SNAP25: variants seen among roughly 807,000 people sequenced by gnomAD.
The protein encoded by SNAP25 is synaptosomal-associated protein 25.
Under a neutral mutation model 28.7 loss-of-function variants are expected in SNAP25, and 3 were observed. The ratio of observed to expected loss-of-function variants is 0.10; its 90% CI spans 0.05 to 0.27. The LOEUF (loss-of-function observed/expected upper bound fraction) is 0.27, where lower values mean the gene tolerates loss of function less well. Ranked by LOEUF, SNAP25 falls within the 10% of genes least tolerant of loss-of-function variation. The probability of loss-of-function intolerance (pLI) is 1.00; values close to 1 mark genes in which losing one functional copy is unlikely to be tolerated. For synonymous variants in SNAP25, 61 were observed against 88.1 expected (o/e 0.69, Z 1.72); for missense variants, 117 against 278.7 (o/e 0.42, Z 4.13).
At chr20:10,247,192 G>T (rs775735408) in intron 1 of SNAP25, among the ~76,000 whole-genome samples, 6 of 152,190 alleles carry the variant, frequency 3.9e-5, no homozygotes, top group Non-Finnish European at 8.8e-5. Context: ...TTGGGAAGCT[G>T]CAGAGAGCAC....
chr20:10,245,183 C>T (rs2063105077), intron 1 of SNAP25, among the ~76,000 whole-genome samples: 2 of 152,158 alleles, frequency 1.3e-5, no homozygotes, highest in Admixed American at 6.6e-5. Context: ...AAGCATTCTC[C>T]CCCAAAGCCA....
chr20:10,253,873 G>A (rs1486977569), intron 1 of SNAP25, among the ~76,000 whole-genome samples: 3 of 152,106 alleles, frequency 2.0e-5, no homozygotes, highest in Non-Finnish European at 4.4e-5. Context: ...CCCACAAAGG[G>A]GCTGACCAGG....
chr20:10,267,588 C>G (rs1382418600), intron 1 of SNAP25, among the ~76,000 whole-genome samples: 2 of 152,168 alleles, frequency 1.3e-5, no homozygotes, highest in African/African-American at 2.4e-5. Flanking sequence ...GAGTCTCGCT[C>G]TGTCACCAGG....
Position 10,302,843 on chromosome 20 carries a change from G to A in SNAP25, c.553-3286G>A, listed in dbSNP as rs546341675. The stretch of plus-strand genomic sequence containing the variant: ...ATAATAAAGGGGCAGTACTTTCTGT[G>A]TCAAATATTGCATGGGGTGGAATTT... On this transcript the variant is annotated intron_variant, in intron 7 of 7. Transcript: ENST00000254976. Among the ~76,000 whole-genome samples the A allele has an allele frequency of 2.0e-5, 3 of 150,944 alleles. No homozygotes were observed. The East Asian group carries it at 5.9e-4, about 29-fold the overall frequency.
intron 4 of SNAP25, among the ~76,000 whole-genome samples, chr20:10,290,730 C>T (rs181611267): frequency 1.0e-3 from 154 of 152,290 alleles, no homozygotes; most frequent in African/African-American, 3.4e-3. Flanking sequence ...TGTGTCCCCA[C>T]GCCATAATCT....
chr20:10,221,919 G>A (rs979637096), intron 1 of SNAP25, among the ~76,000 whole-genome samples: 5 of 152,234 alleles, frequency 3.3e-5, no homozygotes, highest in African/African-American at 9.6e-5. Flanking sequence ...AGACATGAAG[G>A]AGAAAAATAG....
At chr20:10,294,940 G>C (rs1053059088) in intron 5 of SNAP25, among the ~76,000 whole-genome samples, 3 of 152,130 alleles carry the variant, frequency 2.0e-5, no homozygotes, top group Non-Finnish European at 4.4e-5. Context: ...TTCATCAACT[G>C]TGTGTGAAGA....
intron 1 of SNAP25, among the ~76,000 whole-genome samples, chr20:10,258,944 A>G (rs2063365276): frequency 6.6e-6 from 1 of 152,180 alleles, no homozygotes; most frequent in Admixed American, 6.5e-5. Flanking sequence ...TAGCTTTGCT[A>G]TTTAAAGAAA....
At chr20:10,301,320 A>G (rs1016775604) in intron 7 of SNAP25, among the ~76,000 whole-genome samples, 3 of 152,210 alleles carry the variant, frequency 2.0e-5, no homozygotes, top group African/African-American at 4.8e-5. Flanking sequence ...TTCAATTTGT[A>G]TCATTCCTTG....
chr20:10,273,397 A>G (rs962644244), intron 1 of SNAP25, among the ~76,000 whole-genome samples: 1 of 152,226 alleles, frequency 6.6e-6, no homozygotes, highest in Non-Finnish European at 1.5e-5. Context: ...ACAGGCTGCT[A>G]TAACAAAACA....
intron 3 of SNAP25, among the ~76,000 whole-genome samples, chr20:10,279,423 A>G (rs567522906): frequency 1.3e-4 from 20 of 152,324 alleles, no homozygotes; most frequent in South Asian, 8.3e-4. Flanking sequence ...CACATCTGAT[A>G]TAAGTTTCCA....
At chr20:10,225,150 G>A (rs1013809334) in intron 1 of SNAP25, among the ~76,000 whole-genome samples, 1 of 151,838 alleles carries the variant, frequency 6.6e-6, no homozygotes, top group African/African-American at 2.4e-5. Flanking sequence ...AAGCCTATGA[G>A]GTCAGAGGTC....
intron 1 of SNAP25, among the ~76,000 whole-genome samples, chr20:10,271,346 G>T (rs2063587954): frequency 6.6e-6 from 1 of 152,202 alleles, no homozygotes; most frequent in African/African-American, 2.4e-5. Flanking sequence ...CCCAACAGAA[G>T]ATCTGGAGGT....
chr20:10,246,799 T>A (rs2063136666), intron 1 of SNAP25, among the ~76,000 whole-genome samples: 1 of 152,204 alleles, frequency 6.6e-6, no homozygotes, highest in Non-Finnish European at 1.5e-5. Flanking sequence ...CTGGGTACAA[T>A]ATTCCTGTTA....
intron 1 of SNAP25, among the ~76,000 whole-genome samples, chr20:10,272,579 T>C (rs904144563): frequency 6.6e-6 from 1 of 152,212 alleles, no homozygotes; most frequent in African/African-American, 2.4e-5. Flanking sequence ...TTCTAGATCC[T>C]AATTTGTAAA....
At chr20:10,236,959 C>CATAAATAAATAAATAAATAA (rs3063167) in intron 1 of SNAP25, among the ~76,000 whole-genome samples, 1 of 146,498 alleles carries the variant, frequency 6.8e-6, no homozygotes, top group Admixed American at 6.8e-5. Flanking sequence ...AAGGAAAATA[C>CATAAATAAATAAATAAATAA]ATAAATAAAT....
At chr20:10,280,772 A>G (rs1259841875) in intron 3 of SNAP25, among the ~76,000 whole-genome samples, 4 of 152,206 alleles carry the variant, frequency 2.6e-5, no homozygotes, top group African/African-American at 7.2e-5. Flanking sequence ...TGCACAACTA[A>G]TATTTCAAGA....
chr20:10,254,896 A>T (rs2063293721), intron 1 of SNAP25, among the ~76,000 whole-genome samples: 2 of 152,174 alleles, frequency 1.3e-5, no homozygotes, highest in African/African-American at 4.8e-5. Flanking sequence ...CATTGGCCTC[A>T]GGGAAAATCT....
At chr20:10,288,212 A>G (rs1346377783) in intron 4 of SNAP25, among the ~76,000 whole-genome samples, 4 of 152,078 alleles carry the variant, frequency 2.6e-5, no homozygotes, top group Non-Finnish European at 5.9e-5. Flanking sequence ...ATACACTCAA[A>G]TAATTAGCAG....
Sources: gnomAD v4.1 joint callset for allele counts (sites outside exome capture counted in the v4.1 genomes callset) on GRCh38, gnomAD v4.1.1 for gene constraint, MANE v1.5 for transcripts, NCBI Gene and HGNC (gene_info 2026-07-23, HGNC 2026-07-21) for gene names.